LIN7A: variants seen among roughly 807,000 people sequenced by gnomAD.
LIN7A encodes lin-7 cell polarity scaffold A, also known as protein lin-7 homolog A.
A neutral mutation model predicts 29.8 loss-of-function variants in LIN7A; 25 were observed. That is an observed-to-expected ratio of 0.84 (90% confidence interval 0.61 to 1.17). The LOEUF is 1.17. Ranked by LOEUF, LIN7A falls within the 50% of genes most tolerant of loss-of-function variation. The pLI, the probability that LIN7A is intolerant of heterozygous loss-of-function variation, is 0.00. For missense variants in LIN7A, 239 were observed against 287.0 expected, an observed-to-expected ratio of 0.83 and a Z score of 1.21; for synonymous variants, 118 against 107.5, an observed-to-expected ratio of 1.10 and a Z score of -0.60.
At chr12:80,890,770 T>C (rs1195213853) in intron 1 of LIN7A, among the ~76,000 whole-genome samples, 1 of 152,154 alleles carries the variant, frequency 6.6e-6, no homozygotes, top group African/African-American at 2.4e-5. Flanking sequence ...GACACTTCCG[T>C]AATCAATAAG....
At chr12:80,842,961 C>A (rs1872890673) in intron 4 of LIN7A, among the ~76,000 whole-genome samples, 1 of 137,742 alleles carries the variant, frequency 7.3e-6, no homozygotes, top group South Asian at 2.3e-4. Context: ...GGGTAGTTAG[C>A]CAGCATTAGC....
rs1007185294 is a variant in LIN7A at position 80,793,010 on chromosome 12, A to G, written c.*4717T>C. On this transcript the variant is annotated 3_prime_UTR_variant, in exon 6 of 6. Transcript: ENST00000552864. The stretch of plus-strand genomic sequence containing the variant: ...TTTTGTATATTACTTTACAATTTCC[A>G]AGTATTTTATATACAGTGACTCACT... The G allele has an allele frequency of 6.6e-6, 1 of 152,170 alleles. No individual in the cohort carries two copies. Among genetic ancestry groups the G allele is most frequent in the Non-Finnish European group, 1.5e-5 (1 of 68,016 alleles). 9.4% of individuals were successfully genotyped at this position (152,170 alleles called of 1,614,324 possible). A position where few individuals can be genotyped will look rare whatever the true frequency, so the allele number is the denominator to read the frequency against.
chr12:80,828,693 C>T (rs2121526181), intron 4 of LIN7A, among the ~76,000 whole-genome samples: 1 of 152,220 alleles, frequency 6.6e-6, no homozygotes, highest in East Asian at 1.9e-4. Context: ...CATGGCCACA[C>T]CGTTAATGGG....
At chr12:80,839,636 A>C (rs1036462343) in intron 4 of LIN7A, among the ~76,000 whole-genome samples, 6 of 152,222 alleles carry the variant, frequency 3.9e-5, no homozygotes, top group Non-Finnish European at 5.9e-5. Context: ...GATAAATAAG[A>C]TCTTAATACA....
chr12:80,811,738 G>T, intron 4 of LIN7A, 55 bp from the exon 5 acceptor site: 2 of 1,551,732 alleles, frequency 1.3e-6, no homozygotes, highest in South Asian at 1.2e-5. Context: ...CTTTTCCCTG[G>T]AGACAAATCT....
chr12:80,926,812 C>T (rs1381659648), intron 1 of LIN7A, among the ~76,000 whole-genome samples: 2 of 151,352 alleles, frequency 1.3e-5, no homozygotes, highest in African/African-American at 4.9e-5. Flanking sequence ...GCCTATAGTC[C>T]CACCTATTCG....
chr12:80,881,027 A>G (rs939289003), intron 2 of LIN7A, among the ~76,000 whole-genome samples: 1 of 152,204 alleles, frequency 6.6e-6, no homozygotes, highest in Non-Finnish European at 1.5e-5. Context: ...TTTCTAGAGT[A>G]CTTGAAATGA....
chr12:80,831,628 A>G (rs921086623), intron 4 of LIN7A, among the ~76,000 whole-genome samples: 1 of 152,198 alleles, frequency 6.6e-6, no homozygotes, highest in Non-Finnish European at 1.5e-5. Context: ...CTGAAGGAAA[A>G]TATATTTGAA....
At chr12:80,892,286 T>C (rs1247493827) in intron 1 of LIN7A, among the ~76,000 whole-genome samples, 1 of 152,192 alleles carries the variant, frequency 6.6e-6, no homozygotes, top group African/African-American at 2.4e-5. Context: ...ATATCAAGTG[T>C]TCAATGCATA....
In LIN7A at chr12:80,796,419, A is replaced by G. The variant is rs552804039; in HGVS notation, c.*1308T>C. ...CTAGATTTACCATAAACCAAAAATT[A>G]TGACCTGTAAATGTAGTTATAACAG... On this transcript the variant is annotated 3_prime_UTR_variant, in exon 6 of 6. Transcript: ENST00000552864. 1.3e-5 allele frequency: 2 copies of G among 152,200 alleles called. No homozygotes were observed. The highest frequency in any genetic ancestry group is 4.1e-4 in the South Asian group (2 of 4,834). The allele number at this position is 152,200 out of a possible 1,614,324, so 9.4% of individuals were successfully genotyped here.
intron 2 of LIN7A, among the ~76,000 whole-genome samples, chr12:80,856,427 A>G (rs1873602334): frequency 6.6e-6 from 1 of 152,216 alleles, no homozygotes; most frequent in Non-Finnish European, 1.5e-5. Context: ...TGGTTTTACC[A>G]GTTGACAAAC....
chr12:80,810,393 CTGTGTGTGTGTGTGTGTGTGTGTG>C (rs71094992), intron 5 of LIN7A, among the ~76,000 whole-genome samples: 2 of 146,914 alleles, frequency 1.4e-5, no homozygotes, highest in Admixed American at 6.8e-5. Context: ...TGGTATACAT[CTGTGTGTGTGTGTGTGTGTGTGTG>C]TGTGTGTGTG....
At chr12:80,844,610 A>C (rs556968520) in intron 4 of LIN7A, among the ~76,000 whole-genome samples, 34 of 152,280 alleles carry the variant, frequency 2.2e-4, no homozygotes, top group African/African-American at 7.9e-4. Context: ...GGTTAATCGA[A>C]AGGTAACATT....
At chr12:80,852,920 T>A (rs113569389) in intron 2 of LIN7A, among the ~76,000 whole-genome samples, 1 of 152,290 alleles carries the variant, frequency 6.6e-6, no homozygotes, top group African/African-American at 2.4e-5. Flanking sequence ...ACTCTCGTGG[T>A]GCAAGTGCTG....
intron 1 of LIN7A, among the ~76,000 whole-genome samples, chr12:80,928,918 A>T (rs1430380655): frequency 6.6e-6 from 1 of 152,180 alleles, no homozygotes; most frequent in Non-Finnish European, 1.5e-5. Context: ...TATTATTAAC[A>T]TGATTAATAT....
intron 2 of LIN7A, among the ~76,000 whole-genome samples, chr12:80,856,724 T>C (rs1873620226): frequency 6.6e-6 from 1 of 152,194 alleles, no homozygotes; most frequent in Non-Finnish European, 1.5e-5. Context: ...TATATCACTA[T>C]TGTCTTCAAG....
chr12:80,831,488 TA>T (rs1872347099), intron 4 of LIN7A, among the ~76,000 whole-genome samples: 1 of 152,214 alleles, frequency 6.6e-6, no homozygotes, highest in Admixed American at 6.5e-5. Flanking sequence ...ATAGACATAC[TA>T]AAAGTTGCAC....
At chr12:80,926,028 C>T (rs1466351287) in intron 1 of LIN7A, among the ~76,000 whole-genome samples, 1 of 152,138 alleles carries the variant, frequency 6.6e-6, no homozygotes, top group African/African-American at 2.4e-5. Flanking sequence ...TCAAAGTGTT[C>T]TTCCAGATCG....
intron 4 of LIN7A, among the ~76,000 whole-genome samples, chr12:80,833,600 G>A (rs1363595948): frequency 2.6e-5 from 4 of 152,078 alleles, no homozygotes; most frequent in South Asian, 2.1e-4. Context: ...TGTTAAGTCC[G>A]GGCTCCTTGT....
Sources: gnomAD v4.1 joint callset for allele counts (sites outside exome capture counted in the v4.1 genomes callset) on GRCh38, gnomAD v4.1.1 for gene constraint, MANE v1.5 for transcripts, NCBI Gene and HGNC (gene_info 2026-07-23, HGNC 2026-07-21) for gene names.